Variants in ACP2 observed in about 807,000 individuals in gnomAD.
ACP2 encodes the protein lysosomal acid phosphatase.
Under a neutral mutation model 54.7 loss-of-function variants are expected in ACP2, and 35 were observed. The observed-to-expected ratio is 0.64, with a 90% CI of 0.49 to 0.85. ACP2 has a LOEUF of 0.85. Ranked by LOEUF, ACP2 falls within the 40% of genes least tolerant of loss-of-function variation. ACP2 has a pLI of 0.00. For missense variants in ACP2, 492 were observed against 565.0 expected (o/e 0.87, Z 1.31); for synonymous variants, 210 against 224.4 (o/e 0.94, Z 0.57).
intron 3 of ACP2, 23 bp from the exon 4 acceptor site, chr11:47,245,857 C>CGTGTGT (rs58712815): frequency 0.034 from 50,552 of 1,470,018 alleles, 143 homozygotes; most frequent in South Asian, 0.091. Context: ...CAACACAAGT[C>CGTGTGT]GTGTGTGTGT....
rs115597089 is a variant in ACP2, at chr11:47,247,517, T to C, written c.297+124A>G. The C allele has an allele frequency of 3.4e-4, 373 of 1,113,426 alleles. 1 individual carries two copies. In the African/African-American group the frequency reaches 5.0e-3, roughly 15 times the overall value. 69.0% of individuals were successfully genotyped at this position (1,113,426 alleles called of 1,614,324 possible). A position where few individuals can be genotyped will look rare whatever the true frequency, so the allele number is the denominator to read the frequency against. ...CAGACAGCTCTCAGATGTCTTTTCC[T>C]GTAGTTGTGACCAAAAATACAAGAA... On this transcript the variant is annotated intron_variant, in intron 3 of 10. Transcript: ENST00000672073.
At chr11:47,244,949 T>C in intron 6 of ACP2, 82 bp from the exon 7 acceptor site, 1 of 1,487,698 alleles carries the variant, frequency 6.7e-7, no homozygotes, top group African/African-American at 1.4e-5. Flanking sequence ...AGTGGGAAGG[T>C]GCCTGTGTGT....
intron 2 of ACP2, 81 bp downstream of exon 2, chr11:47,247,957 T>G (rs1006983990): frequency 1.3e-5 from 17 of 1,262,742 alleles, no homozygotes; most frequent in Non-Finnish European, 1.9e-5. Flanking sequence ...GGCAGTTTAG[T>G]AGGACCCCAA....
chr11:47,240,243 A>C lies in ACP2; in HGVS notation c.1145T>G (p.Ile382Ser). 6.7e-7 allele frequency: 1 copy of C among 1,494,348 alleles called. No homozygotes were observed. 92.6% of individuals were successfully genotyped at this position (1,494,348 alleles called of 1,614,324 possible). Residue 382 changes from isoleucine (I) to serine (S), a missense_variant, in exon 11 of 11, where the codon ATT (isoleucine) becomes AGT (serine). Coordinates refer to ENST00000672073, the MANE Select transcript of ACP2 (RefSeq NM_001610.4). ...LASGPADTEV[I>S]VALAVCGSIL... ...GGAGCCACATACAGCCAAGGCCACA[A>C]TCACCTCTGGGCATGGGGGAGGCAA...
At chr11:47,247,819 G>A (rs1954247859) in intron 2 of ACP2, 92 bp from the exon 3 acceptor site, 8 of 1,298,944 alleles carry the variant, frequency 6.2e-6, no homozygotes, top group Admixed American at 4.5e-5. Context: ...CCAGGTTCAC[G>A]CTTTGCTGGA....
At chr11:47,248,191 G>A (rs1277662975) in intron 1 of ACP2, 58 bp from the exon 2 acceptor site, 1 of 1,477,928 alleles carries the variant, frequency 6.8e-7, no homozygotes, top group Non-Finnish European at 9.1e-7. Flanking sequence ...TAGGGACCCA[G>A]AGCCTACCTT....
rs748991387 is a variant in ACP2, at chr11:47,248,684, C to G, written c.106G>C (p.Val36Leu). 1 of 1,611,224 alleles carries G rather than the reference C, an allele frequency of 6.2e-7. No individual in the cohort carries two copies. The highest frequency in any genetic ancestry group is 8.5e-7 in the Non-Finnish European group (1 of 1,178,836). The change falls in exon 1 of 11, where the codon GTT (valine) becomes CTT (leucine). Residue 36 changes from valine to leucine, a missense_variant. By Grantham distance (32) the Val-to-Leu change is conservative. Transcript: ENST00000672073. ...PPTRARSLRFVTLLYRHGDRS... is the reference protein window; with the variant it reads ...PPTRARSLRFLTLLYRHGDRS... Reference sequence around the variant, plus strand: ...AGCCCATCTCTCATTACCAAGGTAACGAAGCGCAGACTCCGGGCCCGGGTG... The same window carrying G: ...AGCCCATCTCTCATTACCAAGGTAAGGAAGCGCAGACTCCGGGCCCGGGTG...
intron 10 of ACP2, 46 bp downstream of exon 10, chr11:47,242,677 A>T: frequency 6.3e-7 from 1 of 1,579,106 alleles, no homozygotes; most frequent in East Asian, 2.3e-5. Context: ...TGTGAACTGC[A>T]GGCTGGTCTA....
intron 10 of ACP2, among the ~76,000 whole-genome samples, chr11:47,241,646 G>A (rs963108527): frequency 2.0e-4 from 30 of 152,210 alleles, no homozygotes; most frequent in African/African-American, 7.0e-4. Flanking sequence ...GCGGAGGCAA[G>A]AGCACATATT....
Position 47,243,103 on chromosome 11 carries a change from G to T in ACP2, c.877C>A (p.Leu293Met). Residue 293 changes from leucine (L) to methionine (M), a missense_variant, in exon 9 of 11, where the codon CTG (leucine) becomes ATG (methionine). Physicochemically the swap from Leu to Met is conservative, Grantham distance 15. Coordinates refer to ENST00000672073, the MANE Select transcript of ACP2 (RefSeq NM_001610.4). ...YSAHDTTLVA[L>M]QMALDVYNGE... Reference sequence around the variant, plus strand: ...TTGTAGACATCCAGTGCCATTTGCAGGGCAACCAGGGTAGTGTCGTGCTGC... The same window carrying T: ...TTGTAGACATCCAGTGCCATTTGCATGGCAACCAGGGTAGTGTCGTGCTGC... 6.2e-7 allele frequency: 1 copy of T among 1,614,246 alleles called. No homozygotes were observed. Among genetic ancestry groups the T allele is most frequent in the Non-Finnish European group, 8.5e-7 (1 of 1,180,040 alleles).
Position 47,244,719 on chromosome 11 carries a change from T to C in ACP2, c.772+16A>G. On this transcript the variant is annotated intron_variant, in intron 7 of 10. Coordinates refer to ENST00000672073, the MANE Select transcript of ACP2 (RefSeq NM_001610.4). Reference sequence around the variant, plus strand: ...GGTCCTGAGGAGTAGAGTGACACGCTGTCCTTGTCACTCACCCCCCTGAAG... The same window carrying C: ...GGTCCTGAGGAGTAGAGTGACACGCCGTCCTTGTCACTCACCCCCCTGAAG... The C allele has an allele frequency of 6.3e-7, 1 of 1,585,020 alleles. No homozygotes were observed. Among genetic ancestry groups the C allele is most frequent in the Non-Finnish European group, 8.6e-7 (1 of 1,160,154 alleles).
Position 47,242,856 on chromosome 11 carries a change from C to T in ACP2, c.1005G>A (p.Lys335=), listed in dbSNP as rs199783896. 6.2e-7 allele frequency: 1 copy of T among 1,613,886 alleles called. No homozygotes were observed. Among genetic ancestry groups the T allele is most frequent in the African/African-American group, 1.3e-5 (1 of 75,068 alleles). The change falls in exon 10 of 11, where the codon AAG becomes AAA. Residue 335 remains lysine, a synonymous_variant. Coordinates refer to ENST00000672073, the MANE Select transcript of ACP2 (RefSeq NM_001610.4). ...CAGGCAGGCTGAGCGGCCAGGGGGC[C>T]TTGTCACTCTCGTTCCGAAAGTACA... ...VEMYFRNESD[K]APWPLSLPGC... is the part of the protein sequence containing the mutation.
intron 10 of ACP2, among the ~76,000 whole-genome samples, chr11:47,242,358 G>A (rs1953904091): frequency 6.6e-6 from 1 of 152,214 alleles, no homozygotes; most frequent in Non-Finnish European, 1.5e-5. Context: ...CAGAGGTCAT[G>A]GATGGGCTTT....
chr11:47,240,092 G>A lies in ACP2; in HGVS notation c.*24C>T, dbSNP rs1953829291. 1 of 1,608,456 alleles carries A rather than the reference G, an allele frequency of 6.2e-7. No homozygotes were observed. Among genetic ancestry groups the A allele is most frequent in the Non-Finnish European group, 8.5e-7 (1 of 1,177,686 alleles). On this transcript the variant is annotated 3_prime_UTR_variant, in exon 11 of 11. Transcript: ENST00000672073. ...GCCCAGCCCACCTCCCCTAGGAGGT[G>A]GAGGGAAGGGGGCTGAGTGGTTGTC...
Position 47,245,308 on chromosome 11 carries a change from A to G in ACP2, c.636T>C (p.Cys212=). The change falls in exon 6 of 11, where the codon TGT becomes TGC. Residue 212 remains cysteine, a synonymous_variant. Transcript: ENST00000672073. ...GTGGGCACCCTAGTGGGCTCACCTC[A>G]CAGAAGAGTGTGTCATAGACATTCC... The part of the protein sequence containing the change: ...TVWNVYDTLF[C]EQTHGLRLPP... 1 of 1,614,044 alleles carries G rather than the reference A, an allele frequency of 6.2e-7. No homozygotes were observed. The highest frequency in any genetic ancestry group is 8.5e-7 in the Non-Finnish European group (1 of 1,179,992).
chr11:47,244,194 C>A (rs74948330), intron 7 of ACP2, among the ~76,000 whole-genome samples: 23,852 of 151,580 alleles, frequency 0.16, 3,088 homozygotes, highest in East Asian at 0.65. Flanking sequence ...TTTGGGAGGC[C>A]AAGGTGGGTG....
intron 1 of ACP2, 199 bp downstream of exon 1, chr11:47,248,477 A>C (rs1161630317): frequency 4.5e-6 from 7 of 1,548,942 alleles, no homozygotes; most frequent in Admixed American, 3.9e-5. Flanking sequence ...GTCTCAAGGC[A>C]GACTCACCCC....
At chr11:47,245,052 A>C in intron 6 of ACP2, 185 bp from the exon 7 acceptor site, 21 of 1,171,754 alleles carry the variant, frequency 1.8e-5, no homozygotes, top group Middle Eastern at 2.8e-4. Context: ...AAGGAAGCTC[A>C]GGCACAAAAA....
At chr11:47,245,204 C>G in intron 6 of ACP2, 101 bp downstream of exon 6, 2 of 1,306,100 alleles carry the variant, frequency 1.5e-6, no homozygotes, top group African/African-American at 2.9e-5. Context: ...TGGACCTCCC[C>G]AGGGGCGTGA....
Sources: allele counts gnomAD v4.1 joint callset (sites outside exome capture counted in the v4.1 genomes callset), GRCh38; gene constraint gnomAD v4.1.1; transcripts MANE v1.5; gene names NCBI Gene and HGNC (gene_info 2026-07-23, HGNC 2026-07-21).